DSG4: variants seen among roughly 807,000 people sequenced by gnomAD.
DSG4 encodes the protein desmoglein-4.
DSG4 carries 87 observed loss-of-function variants against 93.1 expected under a neutral mutation model. That is an observed-to-expected ratio of 0.93 (90% confidence interval 0.79 to 1.12). The LOEUF is 1.12. DSG4 is among the 50% of genes most tolerant of loss of function. The probability of loss-of-function intolerance (pLI) is 0.00; values close to 1 mark genes in which losing one functional copy is unlikely to be tolerated. For synonymous variants in DSG4, 432 were observed against 452.9 expected (o/e 0.95, Z 0.59); for missense variants, 1,373 against 1,285.7 (o/e 1.07, Z -1.04).
At position 31,414,730 on chromosome 18, in the gene DSG4, A is replaced by C. The variant is rs899475730; in HGVS notation, c.*1135A>C. The C allele has an allele frequency of 5.3e-5, 8 of 152,242 alleles. No homozygotes were observed. 9.4% of individuals were successfully genotyped at this position (152,242 alleles called of 1,614,324 possible). A position where few individuals can be genotyped will look rare whatever the true frequency, so the allele number is the denominator to read the frequency against. ...CAACACTACTGTTTATGTTGAATAA[A>C]TAAAATGGAAACACATTGCTTACTT... On this transcript the variant is annotated 3_prime_UTR_variant, in exon 16 of 16. Coordinates refer to ENST00000308128, the MANE Select transcript of DSG4 (RefSeq NM_177986.5).
intron 10 of DSG4, 107 bp from the exon 11 acceptor site, chr18:31,403,309 G>C: frequency 1.0e-6 from 1 of 957,896 alleles, no homozygotes; most frequent in Non-Finnish European, 1.6e-6. Context: ...AGCCTCCCAA[G>C]TCACGTATAT....
intron 12 of DSG4, among the ~76,000 whole-genome samples, chr18:31,409,124 A>T (rs1281224250): frequency 6.6e-6 from 1 of 152,172 alleles, no homozygotes; most frequent in African/African-American, 2.4e-5. Flanking sequence ...TTTAACTTAC[A>T]TGTATGTGTG....
intron 10 of DSG4, among the ~76,000 whole-genome samples, chr18:31,402,688 T>A (rs970365117): frequency 1.7e-5 from 2 of 118,678 alleles, no homozygotes; most frequent in African/African-American, 2.8e-5. Context: ...GCTAAGATTC[T>A]TTTCAAGTTA....
chr18:31,385,488 T>C (rs2072177876), intron 2 of DSG4, among the ~76,000 whole-genome samples: 1 of 152,154 alleles, frequency 6.6e-6, no homozygotes, highest in Admixed American at 6.6e-5. Flanking sequence ...AGAGACTGTT[T>C]AGACACATTA....
intron 14 of DSG4, 88 bp from the exon 15 acceptor site, chr18:31,411,143 G>A: frequency 6.2e-7 from 1 of 1,613,492 alleles, no homozygotes; most frequent in Non-Finnish European, 8.5e-7. Flanking sequence ...GGGTGGTGGT[G>A]GCACCGCAGA....
Position 31,391,180 on chromosome 18 carries a change from AAC to A in DSG4, c.788_789del (p.Asn263ArgfsTer2), listed in dbSNP as rs1392493809. 6.2e-7 allele frequency: 1 copy of A among 1,613,714 alleles called. No individual in the cohort carries two copies. Among genetic ancestry groups the A allele is most frequent in the Non-Finnish European group, 8.5e-7 (1 of 1,179,696 alleles). On this transcript the variant is annotated frameshift_variant, in exon 7 of 16. Coordinates refer to ENST00000308128, the MANE Select transcript of DSG4 (RefSeq NM_177986.5). LOFTEE classifies it high-confidence loss of function. The part of the protein sequence containing the change: ...CDCRIKVLDV[N>X]DNFPTLEKTS... ...CTGTAGAATCAAGGTTTTAGACGTC[AAC>A]GATAATTTCCCCACCTTAGAGAAAA...
intron 8 of DSG4, among the ~76,000 whole-genome samples, chr18:31,392,727 T>G (rs1370537863): frequency 1.3e-5 from 2 of 152,224 alleles, no homozygotes; most frequent in African/African-American, 4.8e-5. Flanking sequence ...GGTGAGATCC[T>G]TCTGAGCTAG....
intron 1 of DSG4, among the ~76,000 whole-genome samples, chr18:31,382,778 G>A (rs558546967): frequency 6.6e-6 from 1 of 152,106 alleles, no homozygotes; most frequent in African/African-American, 2.4e-5. Flanking sequence ...ATATACTATG[G>A]AAGCCTCCAT....
chr18:31,411,188 C>T (rs2072484664), intron 14 of DSG4, 43 bp from the exon 15 acceptor site: 1 of 1,614,270 alleles, frequency 6.2e-7, no homozygotes, highest in East Asian at 2.2e-5. Flanking sequence ...ATGCGCGCTG[C>T]AGGCAACTCC....
In DSG4 at chr18:31,409,480, C is replaced by T; in HGVS notation, c.1962C>T (p.Cys654=). The T allele has an allele frequency of 1.2e-6, 2 of 1,614,218 alleles. No homozygotes were observed. Among genetic ancestry groups the T allele is most frequent in the Admixed American group, 1.7e-5 (1 of 60,034 alleles). The part of the protein sequence containing the change: ...ILAPLLLLLC[C]CKQRQPEGLG... The stretch of plus-strand genomic sequence containing the variant: ...CTCCACTCTTGCTGCTCCTGTGTTG[C>T]TGCAAACAGAGACAGCCAGAAGGCC... Residue 654 remains cysteine (C), a synonymous_variant, in exon 13 of 16, where the codon TGC becomes TGT. Coordinates refer to ENST00000308128, the MANE Select transcript of DSG4 (RefSeq NM_177986.5).
rs200268938 is a variant in DSG4 at position 31,403,417 on chromosome 18, T to A, written c.1419T>A (p.Asp473Glu). The A allele has an allele frequency of 1.2e-6, 2 of 1,611,260 alleles. No homozygotes were observed. Among genetic ancestry groups the A allele is most frequent in the East Asian group, 4.5e-5 (2 of 44,828 alleles). ...IYTAEILAID[D>E]GSGKTATGTI... ...CACCAATGACCCTTACTCTTTCAGA[T>A]GGCTCTGGAAAAACAGCTACAGGAA... The change falls in exon 11 of 16, where the codon GAT (aspartate) becomes GAA (glutamate). Residue 473 changes from aspartate to glutamate, a missense_variant and splice_region_variant. Transcript: ENST00000308128.
intron 10 of DSG4, 92 bp from the exon 11 acceptor site, chr18:31,403,324 C>T: frequency 9.2e-7 from 1 of 1,088,068 alleles, no homozygotes; most frequent in Non-Finnish European, 1.4e-6. Context: ...GTATATGTTT[C>T]CTACAAGTTC....
At chr18:31,380,835 T>G (rs2072125722) in intron 1 of DSG4, among the ~76,000 whole-genome samples, 1 of 152,164 alleles carries the variant, frequency 6.6e-6, no homozygotes, top group African/African-American at 2.4e-5. Context: ...ACACTCAGAA[T>G]GTAAGAGAAT....
rs773666252 is a variant in DSG4 at position 31,399,314 on chromosome 18, G to A, written c.1048G>A (p.Gly350Arg). The A allele has an allele frequency of 1.3e-4, 214 of 1,613,890 alleles. No homozygotes were observed. The South Asian group carries it at 1.7e-3, about 13-fold the overall frequency. ...EQAPNIQLSI[G>R]VKNQADFHYS... ...AGCACCTAACATTCAGCTTAGTATC[G>A]GAGTTAAAAACCAAGCTGATTTTCA... The change falls in exon 9 of 16, where the codon GGA (glycine) becomes AGA (arginine). Residue 350 changes from glycine (G) to arginine (R), a missense_variant. Coordinates refer to ENST00000308128, the MANE Select transcript of DSG4 (RefSeq NM_177986.5).
chr18:31,409,772 A>G lies in DSG4; in HGVS notation c.2101A>G (p.Thr701Ala). The change falls in exon 14 of 16, where the codon ACA becomes GCA. Residue 701 changes from threonine to alanine, a missense_variant. Thr to Ala is a moderately conservative substitution (Grantham distance 58). Transcript: ENST00000308128. ...RDVSNICAPM[T>A]ASNTQDRMDS... ...TGTGTCAAATATATGTGCACCCATG[A>G]CAGCCTCAAATACCCAGGATCGGAT... is the stretch of plus-strand genomic sequence containing the variant. 2 of 1,614,226 alleles carry G rather than the reference A, an allele frequency of 1.2e-6. No homozygotes were observed. The highest frequency in any genetic ancestry group is 1.7e-6 in the Non-Finnish European group (2 of 1,180,040).
chr18:31,410,371 A>T (rs2072473375), intron 14 of DSG4, among the ~76,000 whole-genome samples: 1 of 151,372 alleles, frequency 6.6e-6, no homozygotes, highest in African/African-American at 2.4e-5. Context: ...TATTGTATAG[A>T]TTATTTTATT....
intron 7 of DSG4, 134 bp from the exon 8 acceptor site, chr18:31,392,021 C>A: frequency 1.3e-6 from 1 of 760,094 alleles, no homozygotes; most frequent in Non-Finnish European, 2.2e-6. Context: ...CCTGATTGGA[C>A]TATGGGCATT....
rs1177764971 is a variant in DSG4 at position 31,413,370 on chromosome 18, G to T, written c.2898G>T (p.Glu966Asp). The change falls in exon 16 of 16, where the codon GAG (glutamate) becomes GAT (aspartate). Residue 966 changes from glutamate (E) to aspartate (D), a missense_variant. Coordinates refer to ENST00000308128, the MANE Select transcript of DSG4 (RefSeq NM_177986.5). The part of the protein sequence containing the change: ...LADYNNVIYA[E>D]RVLASPGVPD... ...ATTACAACAATGTAATCTATGCTGA[G>T]AGAGTACTGGCTAGTCCTGGTGTGC... 1.2e-5 allele frequency: 19 copies of T among 1,614,042 alleles called. No homozygotes were observed. The highest frequency in any genetic ancestry group is 1.4e-5 in the Non-Finnish European group (17 of 1,180,048).
intron 5 of DSG4, among the ~76,000 whole-genome samples, chr18:31,389,360 T>C (rs1007120826): frequency 6.6e-6 from 1 of 152,078 alleles, no homozygotes; most frequent in Non-Finnish European, 1.5e-5. Context: ...TCTGGTCTCT[T>C]ACTCAAAATG....
Sources: gnomAD v4.1 joint callset for allele counts (sites outside exome capture counted in the v4.1 genomes callset) on GRCh38, gnomAD v4.1.1 for gene constraint, MANE v1.5 for transcripts, NCBI Gene and HGNC (gene_info 2026-07-23, HGNC 2026-07-21) for gene names.